Variants in PKHD1 observed in about 807,000 individuals in gnomAD.
The protein encoded by PKHD1 is fibrocystin.
A neutral mutation model predicts 412.0 loss-of-function variants in PKHD1; 291 were observed. The observed-to-expected ratio is 0.71, with a 90% CI of 0.64 to 0.78. The LOEUF (loss-of-function observed/expected upper bound fraction) is 0.78, where lower values mean the gene tolerates loss of function less well. Ranked by LOEUF, PKHD1 falls within the 30% of genes least tolerant of loss-of-function variation. The pLI is 0.00. For missense variants in PKHD1, 4,825 were observed against 4,950.7 expected, an observed-to-expected ratio of 0.97 and a Z score of 0.76; for synonymous variants, 1,777 against 1,821.5, an observed-to-expected ratio of 0.98 and a Z score of 0.62.
intron 37 of PKHD1, among the ~76,000 whole-genome samples, chr6:51,927,924 C>T (rs1252759361): frequency 6.6e-6 from 1 of 151,988 alleles, no homozygotes. Context: ...CATTGAGAAA[C>T]TGTGCAGTGG....
chr6:51,891,905 C>A (rs1779183746), intron 43 of PKHD1, among the ~76,000 whole-genome samples: 1 of 152,114 alleles, frequency 6.6e-6, no homozygotes, highest in African/African-American at 2.4e-5. Context: ...GGCCAGAGTT[C>A]CCCCTGAAAC....
In PKHD1 at chr6:52,017,399, G is replaced by A. The variant is rs374923575; in HGVS notation, c.5600+11C>T. The A allele has an allele frequency of 3.2e-5, 51 of 1,579,868 alleles. No homozygotes were observed. Among genetic ancestry groups the A allele is most frequent in the Non-Finnish European group, 4.1e-5 (47 of 1,148,934 alleles). On this transcript the variant is annotated intron_variant, in intron 34 of 66. Coordinates refer to ENST00000371117, the MANE Select transcript of PKHD1 (RefSeq NM_138694.4). ...TGTGGGGAAGTTCAGGGAGGGAGAAGGTAAAGTTACCTGATAAAGAGGCCC... is the reference window on the plus strand; with the variant it reads ...TGTGGGGAAGTTCAGGGAGGGAGAAAGTAAAGTTACCTGATAAAGAGGCCC...
Position 51,866,207 on chromosome 6 carries a change from AT to A in PKHD1, c.7733+1655del, listed in dbSNP as rs377060939. ...GGTGACTAATTAGGGTCAGTTGAGT[AT>A]TTGTCCATAGACCTGTGAGTCAACC... On this transcript the variant is annotated intron_variant, in intron 48 of 66. Transcript: ENST00000371117. Among the ~76,000 whole-genome samples, 443 of 152,228 alleles carry A rather than the reference AT, an allele frequency of 2.9e-3. 4 individuals carry two copies. Among genetic ancestry groups the A allele is most frequent in the African/African-American group, 9.6e-3 (400 of 41,544 alleles).
chr6:51,780,118 T>C (rs958723188), intron 53 of PKHD1, among the ~76,000 whole-genome samples: 1 of 152,176 alleles, frequency 6.6e-6, no homozygotes, highest in Non-Finnish European at 1.5e-5. Flanking sequence ...CCAGATGTGG[T>C]GGCTCATTCC....
chr6:52,000,687 A>T (rs1481407639), intron 35 of PKHD1, among the ~76,000 whole-genome samples: 2 of 152,222 alleles, frequency 1.3e-5, no homozygotes, highest in Non-Finnish European at 2.9e-5. Flanking sequence ...TGTAGCTGAG[A>T]TAATGCAAAC....
At position 51,659,569 on chromosome 6, in the gene PKHD1, C is replaced by T; in HGVS notation, c.10557G>A (p.Leu3519=). The change falls in exon 61 of 67, where the codon CTG becomes CTA. Residue 3519 remains leucine (L), a synonymous_variant. Transcript: ENST00000371117. ...FLGESFIPPT[L]VQSASLLLNE... is the part of the protein sequence containing the mutation. ...TCAGCAATAAGGAAGCTGACTGAACCAGAGTGGGTGGAATAAAACTTTCCC... is the reference window on the plus strand; with the variant it reads ...TCAGCAATAAGGAAGCTGACTGAACTAGAGTGGGTGGAATAAAACTTTCCC... 1 of 1,613,668 alleles carries T rather than the reference C, an allele frequency of 6.2e-7. No individual in the cohort carries two copies. The highest frequency in any genetic ancestry group is 1.3e-5 in the African/African-American group (1 of 74,966).
rs140199938 is a variant in PKHD1 at position 51,634,891 on chromosome 6, A to C, written c.11507-2168T>G. 4.8e-3 allele frequency among the ~76,000 whole-genome samples: 724 copies of C among 152,332 alleles called. 4 individuals are homozygous for C. Among genetic ancestry groups the C allele is most frequent in the African/African-American group, 0.017 (687 of 41,578 alleles). On this transcript the variant is annotated intron_variant, in intron 64 of 66. Transcript: ENST00000371117. ...AGGCCCTTGAGAACATTCTGAAGGC[A>C]TGAAGTATCACAGAAGAAAAGATTC...
intron 48 of PKHD1, among the ~76,000 whole-genome samples, chr6:51,862,833 C>A (rs1774419538): frequency 6.6e-6 from 1 of 152,150 alleles, no homozygotes; most frequent in Non-Finnish European, 1.5e-5. Context: ...GTTCTACAAC[C>A]ACCTGGGAGG....
chr6:51,977,873 A>G (rs1794660030), intron 35 of PKHD1, among the ~76,000 whole-genome samples: 2 of 152,214 alleles, frequency 1.3e-5, no homozygotes, highest in Admixed American at 1.3e-4. Context: ...CTGGAGAGAC[A>G]GGCAAATGTA....
chr6:51,930,460 C>T (rs1470048282), intron 37 of PKHD1, among the ~76,000 whole-genome samples: 4 of 152,248 alleles, frequency 2.6e-5, no homozygotes, highest in Non-Finnish European at 4.4e-5. Context: ...ATACATGTAA[C>T]GTGCTTTCAA....
In PKHD1 at chr6:52,006,431, C is replaced by T. The variant is rs368546970; in HGVS notation, c.5751+3878G>A. Reference sequence around the variant, plus strand: ...TTGCTCTGTCACCCAGGCTGGAGCACATTCGCAAAATCCTGGCTTGCTGCA... The same window carrying T: ...TTGCTCTGTCACCCAGGCTGGAGCATATTCGCAAAATCCTGGCTTGCTGCA... On this transcript the variant is annotated intron_variant, in intron 35 of 66. Coordinates refer to ENST00000371117, the MANE Select transcript of PKHD1 (RefSeq NM_138694.4). Among the ~76,000 whole-genome samples, 7 of 152,078 alleles carry T rather than the reference C, an allele frequency of 4.6e-5. No individual in the cohort carries two copies. The East Asian group carries it at 1.4e-3, about 29-fold the overall frequency.
At chr6:51,855,599 G>A (rs1264616158) in intron 49 of PKHD1, among the ~76,000 whole-genome samples, 1 of 152,220 alleles carries the variant, frequency 6.6e-6, no homozygotes, top group Non-Finnish European at 1.5e-5. Flanking sequence ...AAGATGTGTA[G>A]AGGTTGTTTC....
chr6:51,757,797 G>A (rs1268243156), intron 55 of PKHD1, among the ~76,000 whole-genome samples: 1 of 151,904 alleles, frequency 6.6e-6, no homozygotes, highest in Non-Finnish European at 1.5e-5. Flanking sequence ...GAACCCAGGA[G>A]TTCAAGACCA....
At position 51,772,723 on chromosome 6, in the gene PKHD1, T is replaced by A. The variant is rs1582601370; in HGVS notation, c.8621A>T (p.Asp2874Val). Reference protein sequence around the residue: ...PKNSWTHLGADIASGNERIIV... With the variant: ...PKNSWTHLGAVIASGNERIIV... ...TTACCTCTCATTTCCTGAGGCAATA[T>A]CAGCTCCAAGATGTGTCCAGGAGTT... Residue 2874 changes from aspartate (D) to valine (V), a missense_variant, in exon 55 of 67, where the codon GAT becomes GTT. Transcript: ENST00000371117. The A allele has an allele frequency of 2.5e-6, 4 of 1,585,924 alleles. No homozygotes were observed. The highest frequency in any genetic ancestry group is 1.7e-4 in the Middle Eastern group (1 of 5,998).
intron 60 of PKHD1, among the ~76,000 whole-genome samples, chr6:51,671,110 G>A (rs1172940717): frequency 3.3e-5 from 5 of 152,074 alleles, no homozygotes; most frequent in Non-Finnish European, 7.4e-5. Flanking sequence ...GCTAGATTGG[G>A]GAAGTTCTCC....
intron 35 of PKHD1, among the ~76,000 whole-genome samples, chr6:51,978,889 C>G (rs918587988): frequency 3.9e-5 from 6 of 152,216 alleles, no homozygotes; most frequent in Non-Finnish European, 7.3e-5. Flanking sequence ...TGTCTCAACT[C>G]TCTCCTAAAC....
At chr6:51,840,373 G>C (rs1245090439) in intron 50 of PKHD1, among the ~76,000 whole-genome samples, 1 of 152,082 alleles carries the variant, frequency 6.6e-6, no homozygotes, top group African/African-American at 2.4e-5. Context: ...TATTATCCCT[G>C]TATCATTCAC....
intron 63 of PKHD1, among the ~76,000 whole-genome samples, chr6:51,646,884 C>G (rs923134134): frequency 6.6e-6 from 1 of 152,196 alleles, no homozygotes; most frequent in Non-Finnish European, 1.5e-5. Flanking sequence ...CCAATCCACC[C>G]TCCATAGAGC....
intron 60 of PKHD1, chr6:51,722,038 A>AC: frequency 6.2e-7 from 1 of 1,613,582 alleles, no homozygotes; most frequent in Non-Finnish European, 8.5e-7. Flanking sequence ...AAACAGAAGT[A>AC]CTTTAGTCAG....
Sources: gnomAD v4.1 joint callset for allele counts (sites outside exome capture counted in the v4.1 genomes callset) on GRCh38, gnomAD v4.1.1 for gene constraint, MANE v1.5 for transcripts, NCBI Gene and HGNC (gene_info 2026-07-23, HGNC 2026-07-21) for gene names.